The following ZNF320 variants were observed in gnomAD, a reference collection of about 807,000 sequenced individuals.
The protein encoded by ZNF320 is zinc finger protein 320.
ZNF320 carries 2 observed loss-of-function variants against 6.8 expected under a neutral mutation model. The ratio of observed to expected loss-of-function variants is 0.29; its 90% CI spans 0.12 to 0.93. ZNF320 has a LOEUF of 0.93. ZNF320 is among the 40% of genes least tolerant of loss of function. ZNF320 has a pLI of 0.55. For synonymous variants in ZNF320, 208 were observed against 203.2 expected (o/e 1.02, Z -0.20); for missense variants, 472 against 611.0 (o/e 0.77, Z 2.40).
Position 52,881,547 on chromosome 19 carries a change from A to G in ZNF320, c.579T>C (p.Val193=). Residue 193 remains valine (V), a synonymous_variant, in exon 6 of 6, where the codon GTT becomes GTC. Transcript: ENST00000682928. ...AATCATGCTTAAAAGCCTTGTCGCA[A>G]ACCTTACATTTGTATGGTTTCTCTC... is the stretch of plus-strand genomic sequence containing the variant. ...HTGEKPYKCK[V]CDKAFKHDSH... is the part of the protein sequence containing the mutation. 2 of 1,613,934 alleles carry G rather than the reference A, an allele frequency of 1.2e-6. No homozygotes were observed. The highest frequency in any genetic ancestry group is 1.7e-6 in the Non-Finnish European group (2 of 1,179,994).
In ZNF320 at chr19:52,879,266, T is replaced by C. The variant is rs1352515065; in HGVS notation, c.*1330A>G. On this transcript the variant is annotated 3_prime_UTR_variant, in exon 6 of 6. Transcript: ENST00000682928. ...ATAAAAAGGATTGTTGATATGCAAGTGCCACTTATTTCTGGGATGCAAAAT... is the reference window on the plus strand; with the variant it reads ...ATAAAAAGGATTGTTGATATGCAAGCGCCACTTATTTCTGGGATGCAAAAT... The C allele has an allele frequency of 1.3e-5, 2 of 152,412 alleles. No individual in the cohort carries two copies. Among genetic ancestry groups the C allele is most frequent in the African/African-American group, 4.8e-5 (2 of 41,460 alleles). The allele number at this position is 152,412 out of a possible 1,614,324, so 9.4% of individuals were successfully genotyped here.
chr19:52,868,491 A>G (rs536819993), intron 5 of ZNF320, among the ~76,000 whole-genome samples: 3 of 150,710 alleles, frequency 2.0e-5, no homozygotes, highest in Admixed American at 2.0e-4. Flanking sequence ...GGGCAAGAAG[A>G]GCGAAACTCT....
the ZNF320 span, among the ~76,000 whole-genome samples, chr19:52,904,108 C>T: frequency 1.3e-5 from 2 of 152,226 alleles, no homozygotes; most frequent in Non-Finnish European, 2.9e-5. Context: ...TTAGTCTTAC[C>T]AAGTTTCAGA....
intron 3 of ZNF320, among the ~76,000 whole-genome samples, chr19:52,890,891 C>T (rs778508123): frequency 6.6e-6 from 1 of 151,806 alleles, no homozygotes; most frequent in Non-Finnish European, 1.5e-5. Context: ...TGGCTCATGC[C>T]TGTAATACTA....
At chr19:52,884,650 C>A (rs1052135986) in intron 5 of ZNF320, among the ~76,000 whole-genome samples, 3 of 152,072 alleles carry the variant, frequency 2.0e-5, no homozygotes, top group African/African-American at 7.2e-5. Flanking sequence ...CCAGGTTTCA[C>A]CATGTTGGCC....
Position 52,880,990 on chromosome 19 carries a change from T to G in ZNF320, c.1136A>C (p.His379Pro). The G allele has an allele frequency of 6.2e-7, 1 of 1,614,142 alleles. No individual in the cohort carries two copies. The highest frequency in any genetic ancestry group is 8.5e-7 in the Non-Finnish European group (1 of 1,180,022). ...ACATGTGTAAGGTCTCTCTCCAGTA[T>G]GAACTCTCTGATGTTCTGCAAGACG... ...DSRLAEHQRV[H>P]TGERPYTCNE... The change falls in exon 6 of 6, where the codon CAT becomes CCT. Residue 379 changes from histidine to proline, a missense_variant. Coordinates refer to ENST00000682928, the MANE Select transcript of ZNF320 (RefSeq NM_001351774.2).
At chr19:52,900,675 G>A (rs1033707186), upstream of ZNF320, among the ~76,000 whole-genome samples, 4 of 151,664 alleles carry the variant, frequency 2.6e-5, no homozygotes, top group African/African-American at 9.7e-5. Context: ...TTTACGCTAG[G>A]ATCTAGTTTT....
intron 5 of ZNF320, among the ~76,000 whole-genome samples, chr19:52,869,081 A>G (rs2063632345): frequency 6.6e-6 from 1 of 152,108 alleles, no homozygotes; most frequent in African/African-American, 2.4e-5. Flanking sequence ...ATGGGCATGT[A>G]GGAGTGAACT....
upstream of ZNF320, among the ~76,000 whole-genome samples, chr19:52,902,072 G>A (rs2064573141): frequency 1.3e-5 from 2 of 152,114 alleles, no homozygotes; most frequent in Admixed American, 1.3e-4. Context: ...TAGTTATTCG[G>A]CAGAGTGCCT....
chr19:52,863,458 A>G (rs2063497861), exon 6 of ZNF320, among the ~76,000 whole-genome samples: 1 of 151,956 alleles, frequency 6.6e-6, no homozygotes, highest in South Asian at 2.1e-4. Flanking sequence ...TTAGCTGGGC[A>G]TGGTGGCATG....
chr19:52,870,551 T>C (rs2063662758), intron 5 of ZNF320, among the ~76,000 whole-genome samples: 1 of 151,218 alleles, frequency 6.6e-6, no homozygotes, highest in Non-Finnish European at 1.5e-5. Context: ...ATGGCAAATG[T>C]TGTGTTTTCT....
intron 5 of ZNF320, among the ~76,000 whole-genome samples, chr19:52,869,561 G>A (rs1208423350): frequency 1.3e-5 from 2 of 152,012 alleles, no homozygotes; most frequent in African/African-American, 2.4e-5. Flanking sequence ...TTTTGAGATG[G>A]AGTGTCACTC....
chr19:52,881,643 G>GT lies in ZNF320; in HGVS notation c.482dup (p.Tyr161Ter), dbSNP rs767381775. ...AAACTTTCTCACATTCTTCACATTT[G>GT]TAAGGTTTCTCTCCAGTATGAATTC... is the stretch of plus-strand genomic sequence containing the variant. Reference protein sequence around the residue: ...HRRIHTGEKPYKCEECEKVFS... With the variant: ...HRRIHTGEKP Residue 161 changes from tyrosine to a stop codon, truncating the protein, a stop_gained and frameshift_variant, in exon 6 of 6, where the codon TAC (tyrosine) becomes TAAC (stop). Coordinates refer to ENST00000682928, the MANE Select transcript of ZNF320 (RefSeq NM_001351774.2). LOFTEE classifies it low-confidence loss of function (END_TRUNC). The GT allele has an allele frequency of 6.2e-6, 10 of 1,613,942 alleles. No individual in the cohort carries two copies. Among genetic ancestry groups the GT allele is most frequent in the Non-Finnish European group, 8.5e-6 (10 of 1,179,920 alleles).
intron 5 of ZNF320, among the ~76,000 whole-genome samples, chr19:52,870,962 T>A (rs971681333): frequency 1.3e-5 from 2 of 151,934 alleles, no homozygotes; most frequent in African/African-American, 4.8e-5. Flanking sequence ...CTGACCAATA[T>A]GGTGAAATCC....
chr19:52,894,560 A>C (rs2064413509), intron 1 of ZNF320, among the ~76,000 whole-genome samples: 1 of 152,194 alleles, frequency 6.6e-6, no homozygotes, highest in African/African-American at 2.4e-5. Context: ...AAGTGTGAAC[A>C]CATAGCTATA....
chr19:52,902,295 G>A (rs937334703), upstream of ZNF320, among the ~76,000 whole-genome samples: 4 of 152,208 alleles, frequency 2.6e-5, no homozygotes, highest in Admixed American at 6.5e-5. Flanking sequence ...CAGGGACTTC[G>A]GGATATAGCA....
At chr19:52,862,161 G>T in exon 6 of ZNF320, 1 of 421,504 alleles carries the variant, frequency 2.4e-6, no homozygotes, top group South Asian at 1.8e-5. Context: ...AAGGCATTGT[G>T]ACAATCATTG....
Position 52,882,004 on chromosome 19 carries a change from T to C in ZNF320, c.143-21A>G, listed in dbSNP as rs1275158446. 4.4e-6 allele frequency: 7 copies of C among 1,592,684 alleles called. No individual in the cohort carries two copies. In the Middle Eastern group the frequency reaches 5.0e-4, roughly 115 times the overall value. ...GATATCTACAAAATATAAACACCAA[T>C]AGGTTTCCAATTAAGTACAGATGGT... On this transcript the variant is annotated intron_variant, in intron 5 of 5. Coordinates refer to ENST00000682928, the MANE Select transcript of ZNF320 (RefSeq NM_001351774.2).
Position 52,869,060 on chromosome 19 carries a change from A to G in ZNF320, c.224-4901T>C, listed in dbSNP as rs553136915. On this transcript the variant is annotated intron_variant, in intron 5 of 5. Coordinates refer to the ZNF320 transcript ENST00000673631. ...CAGGAAAGGAAGGGCAAGGGTGGAG[A>G]GCAGGAAGTAATGGGCATGTAGGAG... Among the ~76,000 whole-genome samples, 1,161 of 152,078 alleles carry G rather than the reference A, an allele frequency of 7.6e-3. 13 individuals are homozygous for G. The highest frequency in any genetic ancestry group is 0.027 in the African/African-American group (1,098 of 41,432).
Sources: allele counts gnomAD v4.1 joint callset (sites outside exome capture counted in the v4.1 genomes callset), GRCh38; gene constraint gnomAD v4.1.1; transcripts MANE v1.5; gene names NCBI Gene and HGNC (gene_info 2026-07-23, HGNC 2026-07-21).